SIL1: variants seen among roughly 807,000 people sequenced by gnomAD.
SIL1 encodes the protein SIL1 nucleotide exchange factor, also known as nucleotide exchange factor SIL1.
Under a neutral mutation model 49.1 loss-of-function variants are expected in SIL1, and 40 were observed. The observed-to-expected ratio is 0.81, with a 90% CI of 0.63 to 1.06. SIL1 has a LOEUF of 1.06. Ranked by LOEUF, SIL1 falls within the 50% of genes least tolerant of loss-of-function variation. SIL1 has a pLI of 0.00. For synonymous variants in SIL1, 253 were observed against 250.8 expected, an observed-to-expected ratio of 1.01 and a Z score of -0.08; for missense variants, 500 against 572.6, an observed-to-expected ratio of 0.87 and a Z score of 1.29.
At chr5:139,088,796 C>G (rs560594414) in intron 3 of SIL1, among the ~76,000 whole-genome samples, 145 of 152,304 alleles carry the variant, frequency 9.5e-4, no homozygotes, top group African/African-American at 3.4e-3. Flanking sequence ...AAAACCTAAC[C>G]ATTTTAGCCT....
chr5:138,966,360 C>T (rs1010581367), intron 7 of SIL1, among the ~76,000 whole-genome samples: 7 of 152,130 alleles, frequency 4.6e-5, no homozygotes, highest in East Asian at 1.9e-4. Context: ...GTGGACCACC[C>T]GGCCGCCTTG....
intron 1 of SIL1, among the ~76,000 whole-genome samples, chr5:139,177,320 A>C (rs1174063827): frequency 6.6e-6 from 1 of 151,734 alleles, no homozygotes; most frequent in Admixed American, 6.6e-5. Context: ...GCTCACTGCA[A>C]CCTCCGCCTC....
At chr5:139,083,387 T>A (rs1770136631) in intron 3 of SIL1, among the ~76,000 whole-genome samples, 2 of 150,796 alleles carry the variant, frequency 1.3e-5, no homozygotes, top group African/African-American at 4.9e-5. Context: ...TGGTGTGAGA[T>A]GATATCTCAT....
intron 2 of SIL1, among the ~76,000 whole-genome samples, chr5:139,126,456 T>C (rs535973630): frequency 6.6e-6 from 1 of 152,310 alleles, no homozygotes; most frequent in East Asian, 1.9e-4. Context: ...CATGGCATCC[T>C]CATGAGGTAC....
chr5:139,172,107 G>GACCT (rs1296172548), intron 1 of SIL1, among the ~76,000 whole-genome samples: 3 of 152,134 alleles, frequency 2.0e-5, no homozygotes, highest in African/African-American at 7.2e-5. Context: ...GAGACTAAGG[G>GACCT]ACCTAGGGGA....
chr5:139,131,803 C>T (rs115881830), intron 1 of SIL1: 2,097 of 152,850 alleles, frequency 0.014, 48 homozygotes, highest in African/African-American at 0.047. Flanking sequence ...AAGGGCAAGG[C>T]GTCACCACAA....
chr5:139,031,958 C>G (rs1324722705), intron 5 of SIL1, among the ~76,000 whole-genome samples: 3 of 152,130 alleles, frequency 2.0e-5, no homozygotes, highest in African/African-American at 7.2e-5. Context: ...TTTGCATTGT[C>G]TGTATATCTT....
At chr5:139,089,240 A>G (rs1252576460) in intron 3 of SIL1, among the ~76,000 whole-genome samples, 1 of 152,168 alleles carries the variant, frequency 6.6e-6, no homozygotes, top group African/African-American at 2.4e-5. Context: ...CACCACCCAT[A>G]AATCATAACC....
At chr5:139,166,446 G>C (rs1751626142) in intron 1 of SIL1, among the ~76,000 whole-genome samples, 1 of 152,192 alleles carries the variant, frequency 6.6e-6, no homozygotes, top group Non-Finnish European at 1.5e-5. Context: ...AGGATCCCTT[G>C]AGGCCACAAG....
chr5:139,191,637 T>C (rs906085030), intron 1 of SIL1, among the ~76,000 whole-genome samples: 1 of 149,904 alleles, frequency 6.7e-6, no homozygotes. Flanking sequence ...AAAAAAAAAA[T>C]TAAATTAGCC....
At chr5:139,139,129 G>A (rs1457623648) in intron 1 of SIL1, among the ~76,000 whole-genome samples, 1 of 152,208 alleles carries the variant, frequency 6.6e-6, no homozygotes, top group Non-Finnish European at 1.5e-5. Flanking sequence ...AGACTGCTGG[G>A]ACCACTGTAG....
intron 4 of SIL1, among the ~76,000 whole-genome samples, chr5:139,044,862 A>G (rs1769119021): frequency 6.6e-6 from 1 of 152,076 alleles, no homozygotes; most frequent in Non-Finnish European, 1.5e-5. Flanking sequence ...TTATGAACAC[A>G]TTGTTTTCAC....
intron 1 of SIL1, chr5:139,131,702 T>A (rs1750868034): frequency 1.3e-5 from 2 of 151,996 alleles, no homozygotes; most frequent in Non-Finnish European, 2.9e-5. Context: ...AAGACAGGGA[T>A]TGAGTTCACA....
At chr5:139,183,922 A>C (rs1333578362) in intron 1 of SIL1, among the ~76,000 whole-genome samples, 1 of 152,224 alleles carries the variant, frequency 6.6e-6, no homozygotes, top group Non-Finnish European at 1.5e-5. Flanking sequence ...CTTCTTTGCT[A>C]AAAAGATTTG....
intron 5 of SIL1, among the ~76,000 whole-genome samples, chr5:139,031,003 C>T (rs917009711): frequency 6.6e-6 from 1 of 152,142 alleles, no homozygotes; most frequent in African/African-American, 2.4e-5. Context: ...CACATTTTCA[C>T]AATTCCACAT....
intron 1 of SIL1, among the ~76,000 whole-genome samples, chr5:139,144,081 A>AT (rs1224930326): frequency 6.6e-6 from 1 of 152,230 alleles, no homozygotes; most frequent in Non-Finnish European, 1.5e-5. Flanking sequence ...ATTCCAGTGG[A>AT]TTTTTTGCAG....
intron 6 of SIL1, among the ~76,000 whole-genome samples, chr5:139,024,361 T>C (rs901718397): frequency 1.3e-5 from 2 of 152,166 alleles, no homozygotes; most frequent in Non-Finnish European, 2.9e-5. Flanking sequence ...TCATTTTTTT[T>C]CTCTAAGAGG....
chr5:139,082,532 G>A lies in SIL1; in HGVS notation c.245-31486C>T, dbSNP rs116778523. 6.6e-3 allele frequency among the ~76,000 whole-genome samples: 1,012 copies of A among 152,306 alleles called. 6 individuals are homozygous for A. Among genetic ancestry groups the A allele is most frequent in the Non-Finnish European group, 0.011 (718 of 68,022 alleles). On this transcript the variant is annotated intron_variant, in intron 3 of 9. Coordinates refer to ENST00000394817, the MANE Select transcript of SIL1 (RefSeq NM_022464.5). ...TCCAAGATAGGGCCTGGAAGCCCCC[G>A]CAAAGCAGACATTATTAAAGCTCAA...
At chr5:139,133,715 A>T (rs936935940) in intron 1 of SIL1, among the ~76,000 whole-genome samples, 1 of 152,242 alleles carries the variant, frequency 6.6e-6, no homozygotes, top group African/African-American at 2.4e-5. Flanking sequence ...CCTGCCATGG[A>T]GCCCTTGGAA....
Sources: gnomAD v4.1 joint callset for allele counts (sites outside exome capture counted in the v4.1 genomes callset) on GRCh38, gnomAD v4.1.1 for gene constraint, MANE v1.5 for transcripts, NCBI Gene and HGNC (gene_info 2026-07-23, HGNC 2026-07-21) for gene names.